CTNNA2: variants seen among roughly 807,000 people sequenced by gnomAD.
The protein encoded by CTNNA2 is catenin alpha 2.
In CTNNA2, 42 loss-of-function variants were observed where a neutral mutation model predicts 101.0. The observed-to-expected ratio is 0.42, with a 90% CI of 0.32 to 0.54. The LOEUF (loss-of-function observed/expected upper bound fraction) is 0.54. Among genes scored for constraint, CTNNA2 ranks in the 20% least tolerant of loss-of-function variants. The pLI, the probability that CTNNA2 is intolerant of heterozygous loss-of-function variation, is 0.14. For synonymous variants in CTNNA2, 450 were observed against 456.4 expected (o/e 0.99, Z 0.18); for missense variants, 871 against 1,223.1 (o/e 0.71, Z 4.29).
intron 2 of CTNNA2, among the ~76,000 whole-genome samples, chr2:79,277,942 TG>T (rs1232756312): frequency 1.3e-5 from 2 of 152,170 alleles, no homozygotes; most frequent in Non-Finnish European, 2.9e-5. Context: ...ACAACTAAGA[TG>T]GTCTGCTCTG....
At chr2:80,578,590 T>C (rs1695264016) in intron 13 of CTNNA2, among the ~76,000 whole-genome samples, 1 of 152,198 alleles carries the variant, frequency 6.6e-6, no homozygotes, top group Admixed American at 6.5e-5. Context: ...CAGAACTTTT[T>C]ATATGGATGG....
At chr2:79,851,971 C>T (rs1361556768) in intron 3 of CTNNA2, among the ~76,000 whole-genome samples, 1 of 152,002 alleles carries the variant, frequency 6.6e-6, no homozygotes, top group East Asian at 1.9e-4. Context: ...CTCCTGACCT[C>T]AAATGATCTG....
chr2:79,358,949 G>T (rs1338192031), intron 3 of CTNNA2, among the ~76,000 whole-genome samples: 1 of 152,076 alleles, frequency 6.6e-6, no homozygotes, highest in African/African-American at 2.4e-5. Context: ...AACATCCAGT[G>T]CAACAGACTC....
In CTNNA2 at chr2:79,747,260, C is replaced by T. The variant is rs906972565; in HGVS notation, c.298+2678C>T. 5.3e-5 allele frequency among the ~76,000 whole-genome samples: 8 copies of T among 152,130 alleles called. No individual in the cohort carries two copies. In the South Asian group the frequency reaches 6.2e-4, roughly 12 times the overall value. On this transcript the variant is annotated intron_variant, in intron 3 of 18. Coordinates refer to ENST00000402739, the MANE Select transcript of CTNNA2 (RefSeq NM_001282597.3). The stretch of plus-strand genomic sequence containing the variant: ...CCAAATCTAAGTTTTCAGGTGCATT[C>T]GAAAACTGATATTCCTTCTGAATTG...
chr2:79,379,786 C>T (rs185990309), intron 4 of CTNNA2, among the ~76,000 whole-genome samples: 2 of 152,026 alleles, frequency 1.3e-5, no homozygotes, highest in East Asian at 1.9e-4. Flanking sequence ...ATCCCAGATT[C>T]GTATTCAAAA....
At position 80,537,090 on chromosome 2, in the gene CTNNA2, A is replaced by G. The variant is rs1691106143; in HGVS notation, c.1291-7892A>G. Among the ~76,000 whole-genome samples, 3 of 151,942 alleles carry G rather than the reference A, an allele frequency of 2.0e-5. No individual in the cohort carries two copies. In the East Asian group the frequency reaches 5.8e-4, roughly 30 times the overall value. Reference sequence around the variant, plus strand: ...CCCTCCCCTTGCATCCCACCCCCTGACAGGCCCCAGTGTGTGTTGTTCCCC... The same window carrying G: ...CCCTCCCCTTGCATCCCACCCCCTGGCAGGCCCCAGTGTGTGTTGTTCCCC... On this transcript the variant is annotated intron_variant, in intron 9 of 18. Transcript: ENST00000402739.
chr2:80,598,077 C>T (rs922173162), intron 15 of CTNNA2, among the ~76,000 whole-genome samples: 5 of 152,100 alleles, frequency 3.3e-5, no homozygotes, highest in African/African-American at 1.2e-4. Context: ...CAATGATAGA[C>T]TGGATAAAGA....
At chr2:79,580,303 G>C (rs1413598125) in intron 1 of CTNNA2, among the ~76,000 whole-genome samples, 2 of 152,110 alleles carry the variant, frequency 1.3e-5, no homozygotes, top group East Asian at 3.9e-4. Context: ...ACAAAGATCT[G>C]ATGTGAAAAG....
intron 7 of CTNNA2, among the ~76,000 whole-genome samples, chr2:79,930,288 GAGAAAGAGAAAGAA>G (rs1200315420): frequency 1.4e-5 from 1 of 70,058 alleles, no homozygotes; most frequent in African/African-American, 4.5e-5. Context: ...GAGAGAGAGA[GAGAAAGAGAAAGAA>G]AGAAAGAAAG....
intron 7 of CTNNA2, among the ~76,000 whole-genome samples, chr2:80,120,106 C>T (rs932617586): frequency 6.6e-6 from 1 of 152,150 alleles, no homozygotes; most frequent in Non-Finnish European, 1.5e-5. Context: ...TGAACTAGAT[C>T]GAAGTTCCTC....
rs140305576 is a variant in CTNNA2 at position 80,642,317 on chromosome 2, T to G, written c.2575-5268T>G. Reference sequence around the variant, plus strand: ...GACTCAAGGTAAATTGCTATTCCTTTTGTTCATTTAGCATCTCGCATCCTA... The same window carrying G: ...GACTCAAGGTAAATTGCTATTCCTTGTGTTCATTTAGCATCTCGCATCCTA... On this transcript the variant is annotated intron_variant, in intron 18 of 18. Transcript: ENST00000402739. Among the ~76,000 whole-genome samples, 638 of 152,248 alleles carry G rather than the reference T, an allele frequency of 4.2e-3. 8 individuals carry two copies. The highest frequency in any genetic ancestry group is 0.013 in the African/African-American group (548 of 41,558).
At chr2:80,522,154 A>G (rs1054235897) in intron 9 of CTNNA2, among the ~76,000 whole-genome samples, 5 of 152,214 alleles carry the variant, frequency 3.3e-5, no homozygotes, top group Non-Finnish European at 5.9e-5. Flanking sequence ...GGTCATGTCC[A>G]AAGTCCATAT....
chr2:79,581,827 T>C (rs1210570501), intron 1 of CTNNA2, among the ~76,000 whole-genome samples: 4 of 152,256 alleles, frequency 2.6e-5, no homozygotes, highest in Admixed American at 2.6e-4. Flanking sequence ...ATGTTTTAAA[T>C]TCTAAATGTT....
chr2:80,286,507 C>T (rs1674779368), intron 7 of CTNNA2, among the ~76,000 whole-genome samples: 1 of 152,170 alleles, frequency 6.6e-6, no homozygotes, highest in Non-Finnish European at 1.5e-5. Flanking sequence ...GAAGTAGCTA[C>T]TTATAAAATA....
intron 9 of CTNNA2, among the ~76,000 whole-genome samples, chr2:80,536,288 C>T (rs1331423070): frequency 6.6e-6 from 1 of 152,120 alleles, no homozygotes; most frequent in East Asian, 1.9e-4. Flanking sequence ...ATCTGTGCCA[C>T]CATCCTCTCT....
At chr2:80,290,546 C>A (rs996095476) in intron 7 of CTNNA2, among the ~76,000 whole-genome samples, 8 of 151,856 alleles carry the variant, frequency 5.3e-5, no homozygotes, top group African/African-American at 1.7e-4. Context: ...TCAGTGTTTC[C>A]CAGCCATTTT....
At chr2:80,199,929 CAGAGGGCAGGAGGTT>C (rs1220791218) in intron 7 of CTNNA2, among the ~76,000 whole-genome samples, 1 of 152,190 alleles carries the variant, frequency 6.6e-6, no homozygotes, top group Non-Finnish European at 1.5e-5. Flanking sequence ...TCAGGGAGAG[CAGAGGGCAGGAGGTT>C]TCACCAGGAG....
intron 7 of CTNNA2, among the ~76,000 whole-genome samples, chr2:80,034,323 A>G (rs1346316776): frequency 4.6e-5 from 7 of 151,084 alleles, no homozygotes; most frequent in Non-Finnish European, 8.8e-5. Flanking sequence ...GTTCTTAACC[A>G]TATGAAAAAT....
chr2:80,021,408 T>C (rs188772757), intron 7 of CTNNA2, among the ~76,000 whole-genome samples: 113 of 152,228 alleles, frequency 7.4e-4, no homozygotes, highest in African/African-American at 2.6e-3. Context: ...TATCCCTGAC[T>C]GCATTACCTG....
Sources: allele counts gnomAD v4.1 joint callset (sites outside exome capture counted in the v4.1 genomes callset), GRCh38; gene constraint gnomAD v4.1.1; transcripts MANE v1.5; gene names NCBI Gene and HGNC (gene_info 2026-07-23, HGNC 2026-07-21).